XRCC2: variants seen among roughly 807,000 people sequenced by gnomAD.
XRCC2 encodes X-ray repair cross complementing 2.
A neutral mutation model predicts 27.3 loss-of-function variants in XRCC2; 24 were observed. The ratio of observed to expected loss-of-function variants is 0.88; its 90% CI spans 0.64 to 1.24. The LOEUF (loss-of-function observed/expected upper bound fraction) is 1.24, where lower values mean the gene tolerates loss of function less well. Ranked by LOEUF, XRCC2 falls within the 50% of genes most tolerant of loss-of-function variation. The pLI is 0.00. For missense variants in XRCC2, 321 were observed against 325.8 expected (o/e 0.99, Z 0.11); for synonymous variants, 106 against 115.4 (o/e 0.92, Z 0.52).
chr7:152,650,770 C>T (rs763336690), intron 2 of XRCC2, among the ~76,000 whole-genome samples: 7 of 151,968 alleles, frequency 4.6e-5, no homozygotes, highest in Non-Finnish European at 1.0e-4. Context: ...CCTGTAATCC[C>T]AGCTACTTGA....
intron 1 of XRCC2, among the ~76,000 whole-genome samples, chr7:152,664,307 T>A (rs1369734730): frequency 6.6e-6 from 1 of 152,180 alleles, no homozygotes; most frequent in African/African-American, 2.4e-5. Context: ...GTTAATTGTA[T>A]GTGTCAACTA....
chr7:152,671,907 G>T (rs2098038350), intron 1 of XRCC2, among the ~76,000 whole-genome samples: 1 of 152,078 alleles, frequency 6.6e-6, no homozygotes, highest in Non-Finnish European at 1.5e-5. Context: ...CAGGCGTAGT[G>T]GTGTGTCCCT....
At chr7:152,667,687 AG>A (rs1229781751) in intron 1 of XRCC2, among the ~76,000 whole-genome samples, 13 of 152,144 alleles carry the variant, frequency 8.5e-5, no homozygotes, top group African/African-American at 2.9e-4. Context: ...TAAATTTACA[AG>A]TAATGGATAA....
chr7:152,662,565 A>ATTTTTTTTTTTTTTT (rs11323323), intron 1 of XRCC2, among the ~76,000 whole-genome samples: 1 of 67,770 alleles, frequency 1.5e-5, no homozygotes, highest in African/African-American at 5.4e-5. Flanking sequence ...TTTTATTTGC[A>ATTTTTTTTTTTTTTT]TTTTTTTTTT....
chr7:152,670,168 C>A (rs1352670827), intron 1 of XRCC2, among the ~76,000 whole-genome samples: 1 of 152,148 alleles, frequency 6.6e-6, no homozygotes, highest in Non-Finnish European at 1.5e-5. Context: ...TTTCCTCCAA[C>A]TAAATTCCCT....
intron 2 of XRCC2, among the ~76,000 whole-genome samples, chr7:152,659,092 T>C (rs978146034): frequency 6.6e-6 from 1 of 152,134 alleles, no homozygotes; most frequent in Non-Finnish European, 1.5e-5. Context: ...TTACCAACAG[T>C]GCAAAAGGGT....
chr7:152,651,753 G>A (rs1394870694), intron 2 of XRCC2, among the ~76,000 whole-genome samples: 1 of 151,440 alleles, frequency 6.6e-6, no homozygotes, highest in East Asian at 2.0e-4. Flanking sequence ...GGCTCAAGTG[G>A]TCTGCCTGCC....
chr7:152,660,763 C>T lies in XRCC2; in HGVS notation c.59G>A (p.Gly20Asp), dbSNP rs1369229971. ...SGTELLARLE[G>D]RSSLKEIEPN... ...TTCTATTTCTTTCAAGGAACTTCTA[C>T]CTTCAAGTCGGGCAAGGAGCTTATA... The change falls in exon 2 of 3, where the codon GGT becomes GAT. Residue 20 changes from glycine to aspartate, a missense_variant. Coordinates refer to ENST00000359321, the MANE Select transcript of XRCC2 (RefSeq NM_005431.2). 5.6e-6 allele frequency: 9 copies of T among 1,613,146 alleles called. No individual in the cohort carries two copies. Among genetic ancestry groups the T allele is most frequent in the African/African-American group, 2.7e-5 (2 of 74,902 alleles).
intron 2 of XRCC2, among the ~76,000 whole-genome samples, chr7:152,659,617 A>C (rs549574796): frequency 6.6e-6 from 1 of 152,360 alleles, no homozygotes; most frequent in South Asian, 2.1e-4. Flanking sequence ...CTTCATACTG[A>C]CTAGGATGGC....
At chr7:152,652,441 C>T (rs1210750222) in intron 2 of XRCC2, among the ~76,000 whole-genome samples, 1 of 152,108 alleles carries the variant, frequency 6.6e-6, no homozygotes, top group African/African-American at 2.4e-5. Flanking sequence ...AATCCTCCCT[C>T]TCCTGCTCCC....
At chr7:152,665,731 C>T (rs1271113255) in intron 1 of XRCC2, among the ~76,000 whole-genome samples, 2 of 152,060 alleles carry the variant, frequency 1.3e-5, no homozygotes, top group African/African-American at 4.8e-5. Flanking sequence ...ATCCACCTGC[C>T]TTGGCCTCCC....
At chr7:152,658,537 C>T (rs1460123889) in intron 2 of XRCC2, among the ~76,000 whole-genome samples, 1 of 152,246 alleles carries the variant, frequency 6.6e-6, no homozygotes, top group Non-Finnish European at 1.5e-5. Flanking sequence ...AACTCCACAA[C>T]TTTTCCATCT....
intron 2 of XRCC2, among the ~76,000 whole-genome samples, chr7:152,657,395 G>GTCCAA (rs769195495): frequency 1.3e-5 from 2 of 151,806 alleles, no homozygotes; most frequent in Admixed American, 1.3e-4. Flanking sequence ...TGCCTCCCAG[G>GTCCAA]TCCAAGCAAT....
intron 1 of XRCC2, among the ~76,000 whole-genome samples, chr7:152,674,102 G>A (rs953115366): frequency 2.6e-5 from 4 of 152,176 alleles, no homozygotes; most frequent in Non-Finnish European, 4.4e-5. Flanking sequence ...ATAGAGCAGC[G>A]CCAATTGCCT....
intron 1 of XRCC2, among the ~76,000 whole-genome samples, chr7:152,670,935 CTG>C (rs2098037913): frequency 3.3e-5 from 5 of 152,196 alleles, no homozygotes; most frequent in Admixed American, 3.3e-4. Context: ...TTACACTAGT[CTG>C]GGTGTGATGG....
At position 152,649,217 on chromosome 7, in the gene XRCC2, G is replaced by A. The variant is rs587780127; in HGVS notation, c.268C>T (p.Leu90Phe). Residue 90 changes from leucine to phenylalanine, a missense_variant, in exon 3 of 3, where the codon CTC becomes TTC. By Grantham distance (22) the Leu-to-Phe change is conservative (BLOSUM62 0). Transcript: ENST00000359321. Reference sequence around the variant, plus strand: ...TGCTCAAGAATTGTAACTAGCCGGAGCATATCAAAGTGGTAATCTGTATCA... The same window carrying A: ...TGCTCAAGAATTGTAACTAGCCGGAACATATCAAAGTGGTAATCTGTATCA... ...FIDTDYHFDM[L>F]RLVTILEHRL... 1 of 1,613,886 alleles carries A rather than the reference G, an allele frequency of 6.2e-7. No homozygotes were observed. The highest frequency in any genetic ancestry group is 2.2e-5 in the East Asian group (1 of 44,886).
chr7:152,670,156 T>A (rs1037341067), intron 1 of XRCC2, among the ~76,000 whole-genome samples: 2 of 152,196 alleles, frequency 1.3e-5, no homozygotes, highest in Admixed American at 6.5e-5. Context: ...ATCTTTAGCC[T>A]ATTTCCTCCA....
At chr7:152,658,045 A>C (rs772299798) in intron 2 of XRCC2, among the ~76,000 whole-genome samples, 6 of 150,806 alleles carry the variant, frequency 4.0e-5, no homozygotes, top group Middle Eastern at 3.2e-3. Context: ...GGCTCATTGC[A>C]ACTTCCACCT....
intron 2 of XRCC2, among the ~76,000 whole-genome samples, chr7:152,656,835 C>T (rs1017694134): frequency 1.3e-5 from 2 of 152,026 alleles, no homozygotes; most frequent in Admixed American, 6.6e-5. Context: ...ATCTGCTGTA[C>T]AAAAAATACT....
Sources: allele counts gnomAD v4.1 joint callset (sites outside exome capture counted in the v4.1 genomes callset), GRCh38; gene constraint gnomAD v4.1.1; transcripts MANE v1.5; gene names NCBI Gene and HGNC (gene_info 2026-07-23, HGNC 2026-07-21).